Variants in RETREG2 observed in about 807,000 individuals in gnomAD.
RETREG2 encodes reticulophagy regulator family member 2, also known as reticulophagy regulator 2.
Under a neutral mutation model 51.6 loss-of-function variants are expected in RETREG2, and 21 were observed. The ratio of observed to expected loss-of-function variants is 0.41; its 90% confidence interval spans 0.29 to 0.59. The LOEUF (loss-of-function observed/expected upper bound fraction) is 0.59. Ranked by LOEUF, RETREG2 falls within the 20% of genes least tolerant of loss-of-function variation. The probability of loss-of-function intolerance (pLI) is 0.34; values close to 1 mark genes in which losing one functional copy is unlikely to be tolerated. For missense variants in RETREG2, 674 were observed against 646.0 expected (o/e 1.04, Z -0.47); for synonymous variants, 339 against 288.6 (o/e 1.17, Z -1.77).
intron 3 of RETREG2, 153 bp from the exon 4 acceptor site, chr2:219,179,957 C>T (rs540641034): frequency 4.1e-6 from 5 of 1,212,708 alleles, no homozygotes; most frequent in South Asian, 2.7e-5. Flanking sequence ...TTGGGTCCTC[C>T]TGGCTTTGCT....
chr2:219,182,053 C>A lies in RETREG2; in HGVS notation c.1056C>A (p.Thr352=). Residue 352 remains threonine, a synonymous_variant, in exon 9 of 9, where the codon ACC becomes ACA. Transcript: ENST00000430297. ...QQSLPSEPEE[T]LSRDLGEGEE... ...GCCTGCCAAGTGAACCAGAGGAGAC[C>A]CTAAGCCGGGACCTAGGGGAGGGAG... The A allele has an allele frequency of 6.2e-7, 1 of 1,614,058 alleles. No individual in the cohort carries two copies. Among genetic ancestry groups the A allele is most frequent in the Non-Finnish European group, 8.5e-7 (1 of 1,179,996 alleles).
chr2:219,181,122 C>G lies in RETREG2; in HGVS notation c.701C>G (p.Thr234Ser). 1 of 1,614,150 alleles carries G rather than the reference C, an allele frequency of 6.2e-7. No individual in the cohort carries two copies. The highest frequency in any genetic ancestry group is 1.1e-5 in the South Asian group (1 of 91,084). ...CATGAGCTGATCCAGAGGATGTACA[C>G]TCGCCTGGAGCCCCTGCTCATGCAG... The part of the protein sequence containing the change: ...VYHELIQRMY[T>S]RLEPLLMQLD... Residue 234 changes from threonine (T) to serine (S), a missense_variant, in exon 6 of 9, where the codon ACT becomes AGT. Transcript: ENST00000430297.
Position 219,178,299 on chromosome 2 carries a change from G to A in RETREG2, c.-54G>A. The A allele has an allele frequency of 2.7e-6, 1 of 373,936 alleles. No homozygotes were observed. The highest frequency in any genetic ancestry group is 4.8e-6 in the Non-Finnish European group (1 of 210,244). 23.2% of individuals were successfully genotyped at this position (373,936 alleles called of 1,614,324 possible). A position where few individuals can be genotyped will look rare whatever the true frequency, so the allele number is the denominator to read the frequency against. ...CCTTCCGCCTGACGCGCCCCCGGCG[G>A]CGGCCGCGCAGCCCTGGCTCCTCGC... On this transcript the variant is annotated 5_prime_UTR_variant, in exon 1 of 9. Transcript: ENST00000430297.
In RETREG2 at chr2:219,182,230, C is replaced by T. The variant is rs757189373; in HGVS notation, c.1233C>T (p.His411=). The change falls in exon 9 of 9, where the codon CAC becomes CAT. Residue 411 remains histidine, a synonymous_variant. Transcript: ENST00000430297. The stretch of plus-strand genomic sequence containing the variant: ...CCCCCCTCCACTTTGTGAACACGCA[C>T]TTCAATGGGGCAGGGTCCCCCCCAG... ...LSSPLHFVNT[H]FNGAGSPPDG... The T allele has an allele frequency of 1.2e-6, 2 of 1,614,148 alleles. No individual in the cohort carries two copies. The highest frequency in any genetic ancestry group is 3.3e-5 in the Admixed American group (2 of 60,012).
In RETREG2 at chr2:219,182,205, C is replaced by T. The variant is rs750758787; in HGVS notation, c.1208C>T (p.Ser403Phe). The T allele has an allele frequency of 1.2e-6, 2 of 1,613,948 alleles. No homozygotes were observed. The highest frequency in any genetic ancestry group is 1.3e-5 in the African/African-American group (1 of 74,878). ...AAKETLLRLS[S>F]PLHFVNTHFN... ...AAGGAAACCTTGTTGCGGCTCTCATCCCCCCTCCACTTTGTGAACACGCAC... is the reference window on the plus strand; with the variant it reads ...AAGGAAACCTTGTTGCGGCTCTCATTCCCCCTCCACTTTGTGAACACGCAC... Residue 403 changes from serine (S) to phenylalanine (F), a missense_variant, in exon 9 of 9, where the codon TCC becomes TTC. Coordinates refer to ENST00000430297, the MANE Select transcript of RETREG2 (RefSeq NM_024293.6).
Position 219,182,593 on chromosome 2 carries a change from G to C in RETREG2, c.1596G>C (p.Gln532His). 1 of 1,614,210 alleles carries C rather than the reference G, an allele frequency of 6.2e-7. No homozygotes were observed. Among genetic ancestry groups the C allele is most frequent in the South Asian group, 1.1e-5 (1 of 91,084 alleles). The change falls in exon 9 of 9, where the codon CAG becomes CAC. Residue 532 changes from glutamine to histidine, a missense_variant. By Grantham distance (24) the Gln-to-His change is conservative. Transcript: ENST00000430297. The part of the protein sequence containing the change: ...PLGPDIHSLV[Q>H]SDQEAQAVAE... ...GGCCCGACATCCATTCTCTGGTACA[G>C]TCAGACCAAGAAGCTCAGGCCGTGG...
rs1449370191 is a variant in RETREG2 at position 219,181,758 on chromosome 2, T to C, written c.998T>C (p.Leu333Pro). ...GTATCCCGGGCCACAACTCCGCAGCTGACTGATGTCTCCGAGGGTATGGGG... is the reference window on the plus strand; with the variant it reads ...GTATCCCGGGCCACAACTCCGCAGCCGACTGATGTCTCCGAGGGTATGGGG... ...FSVSRATTPQ[L>P]TDVSEDLDQQ... is the part of the protein sequence containing the mutation. The change falls in exon 8 of 9, where the codon CTG becomes CCG. Residue 333 changes from leucine (L) to proline (P), a missense_variant. Leu to Pro is a moderately conservative substitution (Grantham distance 98). Transcript: ENST00000430297. 2 of 1,613,800 alleles carry C rather than the reference T, an allele frequency of 1.2e-6. No individual in the cohort carries two copies. Among genetic ancestry groups the C allele is most frequent in the South Asian group, 1.1e-5 (1 of 91,086 alleles).
rs149903441 is a variant in RETREG2 at position 219,182,112 on chromosome 2, T to C, written c.1115T>C (p.Leu372Pro). Residue 372 changes from leucine (L) to proline (P), a missense_variant, in exon 9 of 9, where the codon CTA becomes CCA. Coordinates refer to ENST00000430297, the MANE Select transcript of RETREG2 (RefSeq NM_024293.6). ...GAGCTGGCCCCTCCCGAAGACCTAC[T>C]AGGCCGTCCTCAAGCTCTGTCAAGG... Reference protein sequence around the residue: ...EGELAPPEDLLGRPQALSRQA... With the variant: ...EGELAPPEDLPGRPQALSRQA... 330 of 1,613,884 alleles carry C rather than the reference T, an allele frequency of 2.0e-4. No homozygotes were observed. Among genetic ancestry groups the C allele is most frequent in the Non-Finnish European group, 2.6e-4 (311 of 1,179,986 alleles).
In RETREG2 at chr2:219,181,703, G is replaced by T. The variant is rs1559221701; in HGVS notation, c.943G>T (p.Ala315Ser). ...ITDSELSDEE[A>S]SILESGGFSV... ...AGACTCAGAGCTGTCAGATGAGGAG[G>T]CTTCTATCTTGGAGAGTGGTGGCTT... Residue 315 changes from alanine (A) to serine (S), a missense_variant, in exon 8 of 9, where the codon GCT becomes TCT. Transcript: ENST00000430297. The T allele has an allele frequency of 3.1e-6, 5 of 1,614,114 alleles. No individual in the cohort carries two copies. Among genetic ancestry groups the T allele is most frequent in the Non-Finnish European group, 4.2e-6 (5 of 1,179,986 alleles).
rs1950322673 is a variant in RETREG2, at chr2:219,184,428, T to A, written c.*1799T>A. The A allele has an allele frequency of 6.6e-6, 1 of 152,142 alleles. No homozygotes were observed. The highest frequency in any genetic ancestry group is 1.5e-5 in the Non-Finnish European group (1 of 68,034). 9.4% of individuals were successfully genotyped at this position (152,142 alleles called of 1,614,324 possible). A position where few individuals can be genotyped will look rare whatever the true frequency, so the allele number is the denominator to read the frequency against. Reference sequence around the variant, plus strand: ...GCTGTCTGCTGGAGGTACCATATGGTAATGCTGCCTGTCTTTCTGAGGTTG... The same window carrying A: ...GCTGTCTGCTGGAGGTACCATATGGAAATGCTGCCTGTCTTTCTGAGGTTG... On this transcript the variant is annotated 3_prime_UTR_variant, in exon 9 of 9. Transcript: ENST00000430297.
Position 219,182,496 on chromosome 2 carries a change from T to A in RETREG2, c.1499T>A (p.Leu500Gln), listed in dbSNP as rs1453584517. Reference sequence around the variant, plus strand: ...TTTGAGTTGCTGGATCAGGGGGAGCTGGAGCAGCTGAATGCAGAGCTGGGC... The same window carrying A: ...TTTGAGTTGCTGGATCAGGGGGAGCAGGAGCAGCTGAATGCAGAGCTGGGC... ...EDFELLDQGELEQLNAELGLE... is the reference protein window; with the variant it reads ...EDFELLDQGEQEQLNAELGLE... The change falls in exon 9 of 9, where the codon CTG becomes CAG. Residue 500 changes from leucine to glutamine, a missense_variant. Leu to Gln is a moderately radical substitution (Grantham distance 113, BLOSUM62 -2). Transcript: ENST00000430297. 1 of 1,613,932 alleles carries A rather than the reference T, an allele frequency of 6.2e-7. No homozygotes were observed. The highest frequency in any genetic ancestry group is 2.2e-5 in the East Asian group (1 of 44,854).
In RETREG2 at chr2:219,182,322, T is replaced by C. The variant is rs766785806; in HGVS notation, c.1325T>C (p.Leu442Pro). The C allele has an allele frequency of 9.9e-6, 16 of 1,613,872 alleles. No homozygotes were observed. The South Asian group carries it at 1.6e-4, about 17-fold the overall frequency. The stretch of plus-strand genomic sequence containing the variant: ...AGCCCCGAGACAGTGAGTGGTGGCC[T>C]CACTGCTCTGCCCGGCACCCTGTCA... ...TLSPETVSGG[L>P]TALPGTLSPP... Residue 442 changes from leucine (L) to proline (P), a missense_variant, in exon 9 of 9, where the codon CTC becomes CCC. Transcript: ENST00000430297.
Position 219,180,906 on chromosome 2 carries a change from C to G in RETREG2, c.640+152C>G, listed in dbSNP as rs918532239. Reference sequence around the variant, plus strand: ...AGTATTAGTAACTGTGGAAGACTTACCTGGGGAGGAGGGCAGTGGATGTGG... The same window carrying G: ...AGTATTAGTAACTGTGGAAGACTTAGCTGGGGAGGAGGGCAGTGGATGTGG... On this transcript the variant is annotated intron_variant, in intron 5 of 8. Coordinates refer to ENST00000430297, the MANE Select transcript of RETREG2 (RefSeq NM_024293.6). The G allele has an allele frequency of 2.2e-6, 3 of 1,350,892 alleles. No homozygotes were observed. The African/African-American group carries it at 4.3e-5, about 19-fold the overall frequency. 83.7% of individuals were successfully genotyped at this position (1,350,892 alleles called of 1,614,324 possible).
In RETREG2 at chr2:219,182,236, T is replaced by G. The variant is rs1196908143; in HGVS notation, c.1239T>G (p.Asn413Lys). 6.2e-7 allele frequency: 1 copy of G among 1,614,044 alleles called. No individual in the cohort carries two copies. ...TCCACTTTGTGAACACGCACTTCAATGGGGCAGGGTCCCCCCCAGATGGAG... is the reference window on the plus strand; with the variant it reads ...TCCACTTTGTGAACACGCACTTCAAGGGGGCAGGGTCCCCCCCAGATGGAG... ...SPLHFVNTHF[N>K]GAGSPPDGVK... Residue 413 changes from asparagine (N) to lysine (K), a missense_variant, in exon 9 of 9, where the codon AAT becomes AAG. Asn to Lys is a moderately conservative substitution (Grantham distance 94). Transcript: ENST00000430297.
chr2:219,182,126 G>C lies in RETREG2; in HGVS notation c.1129G>C (p.Ala377Pro). The change falls in exon 9 of 9, where the codon GCT becomes CCT. Residue 377 changes from alanine to proline, a missense_variant. By Grantham distance (27) the Ala-to-Pro change is conservative (BLOSUM62 -1). Transcript: ENST00000430297. Reference sequence around the variant, plus strand: ...CGAAGACCTACTAGGCCGTCCTCAAGCTCTGTCAAGGCAAGCCCTGGACTC... The same window carrying C: ...CGAAGACCTACTAGGCCGTCCTCAACCTCTGTCAAGGCAAGCCCTGGACTC... ...PPEDLLGRPQ[A>P]LSRQALDSEE... 1 of 1,614,160 alleles carries C rather than the reference G, an allele frequency of 6.2e-7. No individual in the cohort carries two copies. Among genetic ancestry groups the C allele is most frequent in the Non-Finnish European group, 8.5e-7 (1 of 1,180,022 alleles).
At chr2:219,180,787 C>T (rs985488001) in intron 5 of RETREG2, 33 bp downstream of exon 5, 5 of 1,609,984 alleles carry the variant, frequency 3.1e-6, no homozygotes, top group Non-Finnish European at 4.3e-6. Context: ...CTATTTAAAG[C>T]CCTCTCCTTT....
rs1950265670 is a variant in RETREG2 at position 219,180,662 on chromosome 2, C to T, written c.556-8C>T. ...GTGATGTTCTTAGACTTTTGCTCTT[C>T]TCTGCAGTTCTGCGTTCGAGTCTGC... On this transcript the variant is annotated splice_region_variant and splice_polypyrimidine_tract_variant and intron_variant, in intron 4 of 8. Transcript: ENST00000430297. The T allele has an allele frequency of 1.9e-6, 3 of 1,614,164 alleles. No individual in the cohort carries two copies. Among genetic ancestry groups the T allele is most frequent in the Non-Finnish European group, 2.5e-6 (3 of 1,179,990 alleles).
In RETREG2 at chr2:219,180,654, T is replaced by C. The variant is rs566446901; in HGVS notation, c.556-16T>C. ...ATCTCAGCGTGATGTTCTTAGACTT[T>C]TGCTCTTCTCTGCAGTTCTGCGTTC... On this transcript the variant is annotated splice_polypyrimidine_tract_variant and intron_variant, in intron 4 of 8. Coordinates refer to ENST00000430297, the MANE Select transcript of RETREG2 (RefSeq NM_024293.6). 3 of 1,614,190 alleles carry C rather than the reference T, an allele frequency of 1.9e-6. No individual in the cohort carries two copies. Among genetic ancestry groups the C allele is most frequent in the South Asian group, 2.2e-5 (2 of 91,076 alleles).
At chr2:219,179,094 G>T in intron 2 of RETREG2, 66 bp downstream of exon 2, 1 of 1,234,798 alleles carries the variant, frequency 8.1e-7, no homozygotes, top group South Asian at 1.2e-5. Flanking sequence ...CCGCTGGGTG[G>T]GGTTAAGTGG....
Sources: gnomAD v4.1 joint callset for allele counts on GRCh38, gnomAD v4.1.1 for gene constraint, MANE v1.5 for transcripts, NCBI Gene and HGNC (gene_info 2026-07-23, HGNC 2026-07-21) for gene names.